Variants in LMF1 observed in about 807,000 individuals in gnomAD.
The protein encoded by LMF1 is transmembrane protein 112.
Under a neutral mutation model 60.6 loss-of-function variants are expected in LMF1, and 68 were observed. The observed-to-expected ratio is 1.12, with a 90% confidence interval of 0.92 to 1.37. The LOEUF is 1.37. LMF1 is among the 40% of genes most tolerant of loss of function. The pLI is 0.00. For missense variants in LMF1, 948 were observed against 767.2 expected (o/e 1.24, Z -2.78); for synonymous variants, 418 against 324.7 (o/e 1.29, Z -3.09).
intron 3 of LMF1, among the ~76,000 whole-genome samples, chr16:916,409 G>A (rs1279407496): frequency 6.6e-6 from 1 of 152,214 alleles, no homozygotes; most frequent in Non-Finnish European, 1.5e-5. Context: ...GGCGGCCCCA[G>A]AGAGAGCTGG....
chr16:922,388 G>C (rs1021952081), intron 3 of LMF1, among the ~76,000 whole-genome samples: 3 of 152,240 alleles, frequency 2.0e-5, no homozygotes, highest in Non-Finnish European at 4.4e-5. Flanking sequence ...ATGGCAGGCA[G>C]AGCGGCCACT....
In LMF1 at chr16:854,582, G is replaced by C; in HGVS notation, c.1654C>G (p.Leu552Val). 1 of 1,607,658 alleles carries C rather than the reference G, an allele frequency of 6.2e-7. No homozygotes were observed. Among genetic ancestry groups the C allele is most frequent in the Non-Finnish European group, 8.5e-7 (1 of 1,178,586 alleles). Residue 552 changes from leucine (L) to valine (V), a missense_variant, in exon 11 of 11, where the codon CTG (leucine) becomes GTG (valine). Coordinates refer to ENST00000262301, the MANE Select transcript of LMF1 (RefSeq NM_022773.4). ...AYFPPLSLEE[L>V]RPYFRDRGWP... ...CCACGGTCCCTGAAGTAGGGCCTCA[G>C]CTCCTCCAGGCTGAGCGGAGGGAAG...
intron 3 of LMF1, among the ~76,000 whole-genome samples, chr16:930,039 A>G (rs1223372628): frequency 6.8e-6 from 1 of 146,198 alleles, no homozygotes; most frequent in Non-Finnish European, 1.5e-5. Context: ...ACGGGGGCAC[A>G]GGGCCCTGGG....
chr16:927,293 T>G (rs1187913848), intron 3 of LMF1, among the ~76,000 whole-genome samples: 1 of 152,124 alleles, frequency 6.6e-6, no homozygotes, highest in Non-Finnish European at 1.5e-5. Context: ...GACCAGACAC[T>G]GAGACCAGAG....
chr16:971,605 G>T (rs1245835537), upstream of LMF1, among the ~76,000 whole-genome samples: 1 of 152,250 alleles, frequency 6.6e-6, no homozygotes, highest in African/African-American at 2.4e-5. Flanking sequence ...TGTGGGGGAA[G>T]AGGGGGACTC....
At chr16:930,795 TTGAC>T (rs1170991057) in intron 3 of LMF1, among the ~76,000 whole-genome samples, 2 of 152,112 alleles carry the variant, frequency 1.3e-5, no homozygotes, top group Non-Finnish European at 2.9e-5. Flanking sequence ...GTTAGGATCT[TTGAC>T]TGGCAGCCTC....
At chr16:981,199 C>T (rs746802234) in exon 1 of LMF1, 3 of 454,938 alleles carry the variant, frequency 6.6e-6, no homozygotes, top group South Asian at 4.7e-5. Flanking sequence ...CGCTGCGCGG[C>T]GGAACCGACC....
At chr16:914,326 G>A (rs1252119224) in intron 3 of LMF1, among the ~76,000 whole-genome samples, 1 of 152,124 alleles carries the variant, frequency 6.6e-6, no homozygotes, top group Admixed American at 6.5e-5. Flanking sequence ...GACCCAAATG[G>A]GGAGAAGGCT....
At chr16:865,411 T>C (rs1007129876) in intron 10 of LMF1, among the ~76,000 whole-genome samples, 7 of 152,166 alleles carry the variant, frequency 4.6e-5, no homozygotes, top group African/African-American at 1.4e-4. Flanking sequence ...AGGGCAACGG[T>C]GTGATCTCGG....
chr16:886,473 C>G (rs2070309921), intron 5 of LMF1, among the ~76,000 whole-genome samples: 1 of 152,068 alleles, frequency 6.6e-6, no homozygotes, highest in Non-Finnish European at 1.5e-5. Context: ...GGGCTTTGAA[C>G]CGCGCCCGGC....
Position 883,104 on chromosome 16 carries a change from G to A in LMF1, c.730-3367C>T, listed in dbSNP as rs536504491. On this transcript the variant is annotated intron_variant, in intron 5 of 10. Coordinates refer to ENST00000262301, the MANE Select transcript of LMF1 (RefSeq NM_022773.4). ...CCCATTGCAGGACCAGGAGAAAGAG[G>A]AGCCACCCAGCGGAGCCCATTGCAG... 6.8e-5 allele frequency among the ~76,000 whole-genome samples: 10 copies of A among 147,938 alleles called. No individual in the cohort carries two copies. The East Asian group carries it at 1.8e-3, about 27-fold the overall frequency.
chr16:979,103 G>T (rs2151512618), intron 1 of LMF1: 1 of 453,866 alleles, frequency 2.2e-6, no homozygotes, highest in Admixed American at 2.3e-5. Context: ...TCCTGTGTGG[G>T]AAAGTGCCTG....
At position 857,484 on chromosome 16, in the gene LMF1, CACCGGACGGG is replaced by C. The variant is rs1567132300; in HGVS notation, c.1530-2788_1530-2779del. Among the ~76,000 whole-genome samples, 47 of 103,834 alleles carry C rather than the reference CACCGGACGGG, an allele frequency of 4.5e-4. 2 individuals are homozygous for C. Among genetic ancestry groups the C allele is most frequent in the Middle Eastern group, 7.0e-3 (1 of 142 alleles). 68.1% of individuals were successfully genotyped at this position (103,834 alleles called of 152,430 possible). ...GTCTCGGGACGGGTGTGAGTGGTGT[CACCGGACGGG>C]TGTGAGTGGTGTCTCGGGACGGGTG... On this transcript the variant is annotated intron_variant, in intron 10 of 10. Transcript: ENST00000262301.
intron 4 of LMF1, among the ~76,000 whole-genome samples, chr16:910,390 C>G (rs929572993): frequency 6.6e-6 from 1 of 152,266 alleles, no homozygotes; most frequent in African/African-American, 2.4e-5. Context: ...TCTGGTCGTC[C>G]TGAGAGACGT....
intron 3 of LMF1, chr16:933,830 C>T: frequency 1.7e-6 from 1 of 585,332 alleles, no homozygotes; most frequent in Non-Finnish European, 2.6e-6. Context: ...GACCTCCGGT[C>T]CCCTCCACCA....
At chr16:910,868 A>T in intron 4 of LMF1, 63 bp downstream of exon 4, 1 of 1,595,506 alleles carries the variant, frequency 6.3e-7, no homozygotes, top group South Asian at 1.1e-5. Flanking sequence ...CTCTCCTAGA[A>T]GCCTCACAGG....
chr16:901,444 C>G (rs1313918261), intron 4 of LMF1: 1 of 152,214 alleles, frequency 6.6e-6, no homozygotes, highest in Non-Finnish European at 1.5e-5. Context: ...CCTGAGATGC[C>G]GATGCTCTGT....
chr16:890,283 A>C (rs1402958122), intron 5 of LMF1, among the ~76,000 whole-genome samples: 1 of 152,158 alleles, frequency 6.6e-6, no homozygotes, highest in Non-Finnish European at 1.5e-5. Flanking sequence ...TGGAGCCCCA[A>C]GGGGCCCCCG....
At chr16:887,148 C>G (rs186831244) in intron 5 of LMF1, 42 of 152,180 alleles carry the variant, frequency 2.8e-4, no homozygotes, top group African/African-American at 9.2e-4. Flanking sequence ...AGCGGGCTGG[C>G]AGCCCACGGC....
Sources: gnomAD v4.1 joint callset for allele counts (sites outside exome capture counted in the v4.1 genomes callset) on GRCh38, gnomAD v4.1.1 for gene constraint, MANE v1.5 for transcripts, NCBI Gene and HGNC (gene_info 2026-07-23, HGNC 2026-07-21) for gene names.